NECAB1: variants seen among roughly 807,000 people sequenced by gnomAD.
NECAB1 encodes N-terminal EF-hand calcium binding protein 1, also known as N-terminal EF-hand calcium-binding protein 1.
Under a neutral mutation model 57.5 loss-of-function variants are expected in NECAB1, and 29 were observed. The ratio of observed to expected loss-of-function variants is 0.50; its 90% CI spans 0.38 to 0.69. The LOEUF (loss-of-function observed/expected upper bound fraction) is 0.69. NECAB1 is among the 30% of genes least tolerant of loss of function. The probability of loss-of-function intolerance (pLI) is 0.00; values close to 1 mark genes in which losing one functional copy is unlikely to be tolerated. For synonymous variants in NECAB1, 142 were observed against 147.7 expected, an observed-to-expected ratio of 0.96 and a Z score of 0.28; for missense variants, 372 against 413.8, an observed-to-expected ratio of 0.90 and a Z score of 0.88.
intron 3 of NECAB1, among the ~76,000 whole-genome samples, chr8:90,857,054 G>A (rs1159181667): frequency 6.6e-6 from 1 of 152,034 alleles, no homozygotes; most frequent in African/African-American, 2.4e-5. Flanking sequence ...ATTCCCTAGG[G>A]TAAGCACAAA....
chr8:90,814,787 A>G (rs1812030094), intron 2 of NECAB1, among the ~76,000 whole-genome samples: 1 of 152,088 alleles, frequency 6.6e-6, no homozygotes, highest in African/African-American at 2.4e-5. Flanking sequence ...AGAAAAAATT[A>G]TTTCTCTGAG....
chr8:90,834,371 T>C lies in NECAB1; in HGVS notation c.233+9546T>C, dbSNP rs1378508122. Among the ~76,000 whole-genome samples the C allele has an allele frequency of 3.3e-5, 5 of 152,246 alleles. No individual in the cohort carries two copies. The East Asian group carries it at 9.7e-4, about 29-fold the overall frequency. On this transcript the variant is annotated intron_variant, in intron 3 of 12. Transcript: ENST00000417640. ...AAACTTAATATCCACAGTGATAGTA[T>C]TAAAAGAGAGGGCCTTTGGCAAATG...
intron 3 of NECAB1, among the ~76,000 whole-genome samples, chr8:90,868,910 C>T (rs1367555803): frequency 6.6e-6 from 1 of 152,218 alleles, no homozygotes; most frequent in African/African-American, 2.4e-5. Flanking sequence ...TTTGTGGCAG[C>T]CCCTCCCATC....
intron 2 of NECAB1, among the ~76,000 whole-genome samples, chr8:90,808,882 T>C (rs998946006): frequency 1.3e-5 from 2 of 152,034 alleles, no homozygotes; most frequent in African/African-American, 4.8e-5. Context: ...CCTGACCTCA[T>C]GATCTGCCCA....
In NECAB1 at chr8:90,959,331, C is replaced by A; in HGVS notation, c.*3819C>A. On this transcript the variant is annotated 3_prime_UTR_variant, in exon 13 of 13. Coordinates refer to ENST00000417640, the MANE Select transcript of NECAB1 (RefSeq NM_022351.5). ...CACAAGTAAAATGAATTCTAATGTA[C>A]AAGTTTGTTTTAAAAAGTGTATGTC... 1 of 173,658 alleles carries A rather than the reference C, an allele frequency of 5.8e-6. No individual in the cohort carries two copies. Among genetic ancestry groups the A allele is most frequent in the Non-Finnish European group, 1.2e-5 (1 of 82,682 alleles). The allele number at this position is 173,658 out of a possible 1,614,324, so 10.8% of individuals were successfully genotyped here. A position where few individuals can be genotyped will look rare whatever the true frequency, so the allele number is the denominator to read the frequency against.
At chr8:90,849,903 G>T (rs1378159889) in intron 3 of NECAB1, among the ~76,000 whole-genome samples, 3 of 151,910 alleles carry the variant, frequency 2.0e-5, no homozygotes, top group African/African-American at 7.3e-5. Flanking sequence ...TTCCATTTTT[G>T]TAATAAAATT....
chr8:90,872,176 T>A, intron 4 of NECAB1, 23 bp downstream of exon 4: 4 of 1,530,512 alleles, frequency 2.6e-6, no homozygotes, highest in African/African-American at 1.4e-5. Flanking sequence ...TTAAGATCAG[T>A]CAAACCTATT....
At chr8:90,892,261 C>T (rs1042531892) in intron 5 of NECAB1, among the ~76,000 whole-genome samples, 22 of 143,772 alleles carry the variant, frequency 1.5e-4, no homozygotes, top group Admixed American at 1.5e-3. Context: ...GGGGTTAATA[C>T]ATAGGTTTTT....
intron 5 of NECAB1, among the ~76,000 whole-genome samples, chr8:90,884,436 T>C (rs1712091704): frequency 6.6e-6 from 1 of 152,188 alleles, no homozygotes; most frequent in Non-Finnish European, 1.5e-5. Flanking sequence ...AAAGATGAAA[T>C]AGCAATAGGA....
At chr8:90,810,028 A>G (rs915653987) in intron 2 of NECAB1, among the ~76,000 whole-genome samples, 1 of 152,196 alleles carries the variant, frequency 6.6e-6, no homozygotes, top group Admixed American at 6.5e-5. Context: ...TTTATTTATG[A>G]GTAATCTGAG....
At chr8:90,827,683 C>T (rs1812246685) in intron 3 of NECAB1, among the ~76,000 whole-genome samples, 1 of 151,888 alleles carries the variant, frequency 6.6e-6, no homozygotes, top group South Asian at 2.1e-4. Flanking sequence ...ACATATCTGG[C>T]TACTTAATTT....
chr8:90,811,026 C>T (rs1474500742), intron 2 of NECAB1, among the ~76,000 whole-genome samples: 5 of 151,816 alleles, frequency 3.3e-5, no homozygotes, highest in Non-Finnish European at 7.4e-5. Context: ...CGGCTCACCG[C>T]AACCTCCACC....
intron 1 of NECAB1, among the ~76,000 whole-genome samples, chr8:90,798,063 A>T (rs1322333624): frequency 1.3e-5 from 2 of 152,200 alleles, no homozygotes; most frequent in Non-Finnish European, 2.9e-5. Flanking sequence ...GAACTGTATC[A>T]TACTTCCTCT....
At chr8:90,937,541 C>G (rs778857823) in intron 9 of NECAB1, among the ~76,000 whole-genome samples, 1 of 152,088 alleles carries the variant, frequency 6.6e-6, no homozygotes, top group Non-Finnish European at 1.5e-5. Context: ...CACTCAAGTG[C>G]TAGATCAAAA....
At chr8:90,840,389 G>C (rs1812435306) in intron 3 of NECAB1, among the ~76,000 whole-genome samples, 1 of 152,226 alleles carries the variant, frequency 6.6e-6, no homozygotes, top group Admixed American at 6.5e-5. Context: ...GCCACAGTGA[G>C]ATTGGGTCAC....
intron 5 of NECAB1, among the ~76,000 whole-genome samples, chr8:90,885,389 C>G (rs768348337): frequency 7.2e-5 from 11 of 152,196 alleles, no homozygotes; most frequent in Non-Finnish European, 1.2e-4. Context: ...TCTGACTTCT[C>G]CAAGCCAAGT....
intron 2 of NECAB1, among the ~76,000 whole-genome samples, chr8:90,818,902 G>C (rs1812100125): frequency 6.6e-6 from 1 of 151,854 alleles, no homozygotes; most frequent in African/African-American, 2.4e-5. Flanking sequence ...AGAGTTCTTG[G>C]ATTTTTTTAA....
intron 10 of NECAB1, among the ~76,000 whole-genome samples, chr8:90,948,440 ATC>A (rs1290565371): frequency 6.6e-6 from 1 of 152,182 alleles, no homozygotes; most frequent in Non-Finnish European, 1.5e-5. Context: ...AAAAATTAAA[ATC>A]TCTGTGTGTA....
chr8:90,858,105 G>A (rs78921834), intron 3 of NECAB1, among the ~76,000 whole-genome samples: 2,546 of 152,140 alleles, frequency 0.017, 77 homozygotes, highest in African/African-American at 0.059. Flanking sequence ...AATCTAAAAT[G>A]TACTTAAACA....
Sources: gnomAD v4.1 joint callset for allele counts (sites outside exome capture counted in the v4.1 genomes callset) on GRCh38, gnomAD v4.1.1 for gene constraint, MANE v1.5 for transcripts, NCBI Gene and HGNC (gene_info 2026-07-23, HGNC 2026-07-21) for gene names.